UBE2V2: variants seen among roughly 807,000 people sequenced by gnomAD.
The protein encoded by UBE2V2 is ubiquitin conjugating enzyme E2 V2, also known as ubiquitin-conjugating enzyme E2 variant 2.
UBE2V2 carries 9 observed loss-of-function variants against 17.2 expected under a neutral mutation model. The ratio of observed to expected loss-of-function variants is 0.52; its 90% CI spans 0.32 to 0.91. The LOEUF (loss-of-function observed/expected upper bound fraction) is 0.91. Among genes scored for constraint, UBE2V2 ranks in the 40% least tolerant of loss-of-function variants. UBE2V2 has a pLI of 0.04. For missense variants in UBE2V2, 133 were observed against 182.6 expected, an observed-to-expected ratio of 0.73 and a Z score of 1.56; for synonymous variants, 61 against 57.5, an observed-to-expected ratio of 1.06 and a Z score of -0.28.
chr8:48,010,220 T>A (rs939042075), intron 1 of UBE2V2, among the ~76,000 whole-genome samples: 1 of 151,934 alleles, frequency 6.6e-6, no homozygotes, highest in Non-Finnish European at 1.5e-5. Flanking sequence ...ATTAGCATAT[T>A]GTACATAGGG....
chr8:48,037,734 GAAAT>G (rs763288844), intron 1 of UBE2V2, among the ~76,000 whole-genome samples: 2 of 152,176 alleles, frequency 1.3e-5, no homozygotes, highest in Non-Finnish European at 1.5e-5. Context: ...TGTTAAAATG[GAAAT>G]AAATAAATAA....
intron 1 of UBE2V2, among the ~76,000 whole-genome samples, chr8:48,034,282 G>T (rs1050939197): frequency 2.0e-5 from 3 of 151,872 alleles, no homozygotes; most frequent in Non-Finnish European, 4.4e-5. Context: ...CCACCATGAA[G>T]CCAGGCTAAT....
chr8:48,015,719 T>C (rs889053472), intron 1 of UBE2V2, among the ~76,000 whole-genome samples: 1 of 152,134 alleles, frequency 6.6e-6, no homozygotes, highest in Non-Finnish European at 1.5e-5. Flanking sequence ...TTTGACTCCA[T>C]ATATGAGTGA....
chr8:48,031,849 T>C (rs1440364884), intron 1 of UBE2V2, among the ~76,000 whole-genome samples: 1 of 152,126 alleles, frequency 6.6e-6, no homozygotes, highest in Non-Finnish European at 1.5e-5. Context: ...GGTTTCACCA[T>C]GTTATCCAGG....
chr8:48,002,019 G>A, the UBE2V2 span, among the ~76,000 whole-genome samples: 1 of 152,192 alleles, frequency 6.6e-6, no homozygotes, highest in East Asian at 1.9e-4. Context: ...AACCCAGGAG[G>A]TGGAGGTTGC....
chr8:48,053,422 A>ATT (rs1218371704), intron 3 of UBE2V2, among the ~76,000 whole-genome samples: 54 of 136,540 alleles, frequency 4.0e-4, no homozygotes, highest in Non-Finnish European at 5.4e-4. Context: ...AGATCTTTTA[A>ATT]TTTTTTTTTT....
At chr8:48,038,690 A>C (rs1305897138) in intron 1 of UBE2V2, among the ~76,000 whole-genome samples, 2 of 152,136 alleles carry the variant, frequency 1.3e-5, no homozygotes, top group African/African-American at 4.8e-5. Context: ...CATGTTGGCC[A>C]GGCTGGTCTC....
chr8:48,041,034 T>C (rs2091460332), intron 1 of UBE2V2, among the ~76,000 whole-genome samples: 1 of 151,314 alleles, frequency 6.6e-6, no homozygotes, highest in Non-Finnish European at 1.5e-5. Flanking sequence ...CTGGCTAATT[T>C]TTTGTATTTT....
chr8:48,055,049 CTACTT>C (rs2091562924), intron 3 of UBE2V2, among the ~76,000 whole-genome samples: 1 of 151,764 alleles, frequency 6.6e-6, no homozygotes, highest in Non-Finnish European at 1.5e-5. Flanking sequence ...GGTATTCTCT[CTACTT>C]ATTTTTATAA....
chr8:48,034,165 G>T (rs1168640253), intron 1 of UBE2V2, among the ~76,000 whole-genome samples: 1 of 141,110 alleles, frequency 7.1e-6, no homozygotes, highest in Non-Finnish European at 1.5e-5. Flanking sequence ...CACTGTCACC[G>T]GGCTGGAGTG....
chr8:48,020,068 A>C (rs1403499262), intron 1 of UBE2V2, among the ~76,000 whole-genome samples: 1 of 150,734 alleles, frequency 6.6e-6, no homozygotes, highest in Non-Finnish European at 1.5e-5. Flanking sequence ...TTTTGAGACA[A>C]GGTCTCCCTA....
At chr8:48,014,708 ATAATT>A (rs2091256598) in intron 1 of UBE2V2, among the ~76,000 whole-genome samples, 1 of 151,400 alleles carries the variant, frequency 6.6e-6, no homozygotes, top group South Asian at 2.1e-4. Context: ...TTAGTATGTC[ATAATT>A]TAAAGTATCA....
intron 1 of UBE2V2, among the ~76,000 whole-genome samples, chr8:48,031,381 G>A (rs901656966): frequency 2.0e-5 from 3 of 152,044 alleles, no homozygotes; most frequent in African/African-American, 4.8e-5. Flanking sequence ...TCATGAAGCC[G>A]CTTATTTTCC....
At chr8:48,055,280 A>C (rs1486007296) in intron 3 of UBE2V2, among the ~76,000 whole-genome samples, 1 of 149,118 alleles carries the variant, frequency 6.7e-6, no homozygotes, top group African/African-American at 2.5e-5. Context: ...GCTCACTGCA[A>C]CCTCCGCCTC....
chr8:48,044,142 C>T (rs1019156171), intron 2 of UBE2V2, among the ~76,000 whole-genome samples: 6 of 151,842 alleles, frequency 4.0e-5, no homozygotes, highest in Admixed American at 2.6e-4. Context: ...TAGAGTTCCT[C>T]CTGATGATGA....
At chr8:48,058,294 C>T (rs1226550449) in intron 3 of UBE2V2, among the ~76,000 whole-genome samples, 1 of 152,096 alleles carries the variant, frequency 6.6e-6, no homozygotes, top group Non-Finnish European at 1.5e-5. Context: ...TAGTGAAACC[C>T]TGTGTCTACT....
chr8:48,036,253 C>T (rs994204687), intron 1 of UBE2V2, among the ~76,000 whole-genome samples: 5 of 150,342 alleles, frequency 3.3e-5, no homozygotes, highest in Non-Finnish European at 7.4e-5. Flanking sequence ...CCACACCTGG[C>T]CAATTAAAAA....
Position 48,008,488 on chromosome 8 carries a change from G to T in UBE2V2, c.16+18G>T. ...CTCCACAGGTCGGTTCCCGGGCCGG[G>T]CTGCGTGATTTTCCGCTCCGACCCG... is the stretch of plus-strand genomic sequence containing the variant. On this transcript the variant is annotated intron_variant, in intron 1 of 3. Coordinates refer to ENST00000523111, the MANE Select transcript of UBE2V2 (RefSeq NM_003350.3). The T allele has an allele frequency of 6.4e-7, 1 of 1,566,528 alleles. No homozygotes were observed. Among genetic ancestry groups the T allele is most frequent in the Non-Finnish European group, 8.6e-7 (1 of 1,158,496 alleles).
At chr8:48,036,696 A>G (rs1238149093) in intron 1 of UBE2V2, among the ~76,000 whole-genome samples, 1 of 151,464 alleles carries the variant, frequency 6.6e-6, no homozygotes, top group African/African-American at 2.4e-5. Flanking sequence ...TGGCCTCCCA[A>G]AGTGCTGGGA....
Sources: gnomAD v4.1 joint callset for allele counts (sites outside exome capture counted in the v4.1 genomes callset) on GRCh38, gnomAD v4.1.1 for gene constraint, MANE v1.5 for transcripts, NCBI Gene and HGNC (gene_info 2026-07-23, HGNC 2026-07-21) for gene names.